Variants in RANBP3 observed in about 807,000 individuals in gnomAD.
RANBP3 encodes ran-binding protein 3.
RANBP3 carries 14 observed loss-of-function variants against 77.3 expected under a neutral mutation model. The observed-to-expected ratio is 0.18, with a 90% CI of 0.12 to 0.28. The LOEUF is 0.28. RANBP3 is among the 10% of genes least tolerant of loss of function. The pLI, the probability that RANBP3 is intolerant of heterozygous loss-of-function variation, is 1.00. For missense variants in RANBP3, 586 were observed against 752.3 expected (o/e 0.78, Z 2.59); for synonymous variants, 315 against 312.4 (o/e 1.01, Z -0.09).
chr19:5,941,328 C>G (rs1356916399), intron 5 of RANBP3, among the ~76,000 whole-genome samples: 1 of 151,924 alleles, frequency 6.6e-6, no homozygotes, highest in Non-Finnish European at 1.5e-5. Flanking sequence ...GAGGCCCCAA[C>G]AGGGCTCTCA....
intron 1 of RANBP3, among the ~76,000 whole-genome samples, chr19:5,971,721 A>G (rs1476435573): frequency 6.6e-6 from 1 of 152,230 alleles, no homozygotes; most frequent in Non-Finnish European, 1.5e-5. Context: ...ACTAAATCCT[A>G]AATTACAGAC....
Position 5,921,115 on chromosome 19 carries a change from T to C in RANBP3, c.1330+86A>G. 7 of 1,475,708 alleles carry C rather than the reference T, an allele frequency of 4.7e-6. No individual in the cohort carries two copies. The highest frequency in any genetic ancestry group is 6.4e-6 in the Non-Finnish European group (7 of 1,097,950). The allele number at this position is 1,475,708 out of a possible 1,614,324, so 91.4% of individuals were successfully genotyped here. A position where few individuals can be genotyped will look rare whatever the true frequency, so the allele number is the denominator to read the frequency against. On this transcript the variant is annotated intron_variant, in intron 14 of 16. Transcript: ENST00000340578. The surrounding 1 kb of genome is among the most constrained non-coding windows in gnomAD (Gnocchi z 5.3). Reference sequence around the variant, plus strand: ...CTCTCACAAGGGTAGGGTCAGGATCTCCCCCGCTTCATTCCCTTTGGAATT... The same window carrying C: ...CTCTCACAAGGGTAGGGTCAGGATCCCCCCCGCTTCATTCCCTTTGGAATT...
At position 5,923,246 on chromosome 19, in the gene RANBP3, A is replaced by C. The variant is rs760643730; in HGVS notation, c.1157T>G (p.Leu386Trp). 1 of 1,614,174 alleles carries C rather than the reference A, an allele frequency of 6.2e-7. No homozygotes were observed. The highest frequency in any genetic ancestry group is 1.1e-5 in the South Asian group (1 of 91,088). Residue 386 changes from leucine (L) to tryptophan (W), a missense_variant, in exon 13 of 17, where the codon TTG becomes TGG. Coordinates refer to ENST00000340578, the MANE Select transcript of RANBP3 (RefSeq NM_007322.3). Reference sequence around the variant, plus strand: ...CCCGGTGATGACTTCCACTTTTTCCAACAAACACTTCCGCGCTGTTGCCTT... The same window carrying C: ...CCCGGTGATGACTTCCACTTTTTCCCACAAACACTTCCGCGCTGTTGCCTT... ...YTKATARKCL[L>W]EKVEVITGEE...
At chr19:5,943,483 T>A (rs1299244511) in intron 3 of RANBP3, among the ~76,000 whole-genome samples, 2 of 152,204 alleles carry the variant, frequency 1.3e-5, no homozygotes, top group African/African-American at 4.8e-5. Context: ...TTATAATCCT[T>A]TAAAAATGTA....
Position 5,952,091 on chromosome 19 carries a change from G to GCC in RANBP3, c.79-497_79-496dup, listed in dbSNP as rs921838824. The stretch of plus-strand genomic sequence containing the variant: ...CCAGGGTCAAGGGCTTCTGCCTCTC[G>GCC]CCGGGGTCAAGGGCTTCTGCCTCTC... On this transcript the variant is annotated intron_variant, in intron 2 of 16. Transcript: ENST00000340578. This position sits in a 1 kb window ranked among gnomAD's most constrained non-coding sequence, Gnocchi z 4.1. Among the ~76,000 whole-genome samples the GCC allele has an allele frequency of 2.0e-5, 3 of 151,636 alleles. No homozygotes were observed. The highest frequency in any genetic ancestry group is 7.3e-5 in the African/African-American group (3 of 40,970).
In RANBP3 at chr19:5,927,992, C is replaced by G. The variant is rs565829306; in HGVS notation, c.789G>C (p.Gly263=). Residue 263 remains glycine, a synonymous_variant, in exon 9 of 17, where the codon GGG becomes GGC. Coordinates refer to ENST00000340578, the MANE Select transcript of RANBP3 (RefSeq NM_007322.3). ...DPATQQAFVF[G]QNLRDRVKLI... Reference sequence around the variant, plus strand: ...CCTTAACTCTGTCCCTCAAGTTCTGCCCAAATACAAAGGCTTGCTGTGTGG... The same window carrying G: ...CCTTAACTCTGTCCCTCAAGTTCTGGCCAAATACAAAGGCTTGCTGTGTGG... 2.5e-6 allele frequency: 4 copies of G among 1,613,524 alleles called. No homozygotes were observed. In the Admixed American group the frequency reaches 5.0e-5, roughly 20 times the overall value.
At chr19:5,975,760 A>C (rs1361968099) in intron 1 of RANBP3, among the ~76,000 whole-genome samples, 1 of 151,066 alleles carries the variant, frequency 6.6e-6, no homozygotes, top group Non-Finnish European at 1.5e-5. Flanking sequence ...CTCATTAATA[A>C]AGTAACATAT....
chr19:5,918,625 C>A lies in RANBP3; in HGVS notation c.1344G>T (p.Gln448His). The change falls in exon 15 of 17, where the codon CAG (glutamine) becomes CAT (histidine). Residue 448 changes from glutamine (Q) to histidine (H), a missense_variant. This residue lies in a region of RANBP3 where 51 missense variants were observed against 123.2 expected (regional missense o/e 0.41). Coordinates refer to ENST00000340578, the MANE Select transcript of RANBP3 (RefSeq NM_007322.3). ...TLQSRLVMRT[Q>H]GSLRLILNTK... ...TGTTGAGGATCAGTCGCAGGCTCCC[C>A]TGGGTCCGCATCACTACAACCAACA... The A allele has an allele frequency of 6.2e-7, 1 of 1,613,816 alleles. No individual in the cohort carries two copies. The highest frequency in any genetic ancestry group is 8.5e-7 in the Non-Finnish European group (1 of 1,179,898).
chr19:5,954,221 C>T (rs768608812), intron 2 of RANBP3, among the ~76,000 whole-genome samples: 2 of 152,116 alleles, frequency 1.3e-5, no homozygotes, highest in Admixed American at 6.5e-5. Context: ...TGCACCCCAT[C>T]GGGTGTGGTC....
intron 1 of RANBP3, among the ~76,000 whole-genome samples, chr19:5,977,732 G>A (rs1366017957): frequency 1.3e-5 from 2 of 152,216 alleles, no homozygotes; most frequent in East Asian, 1.9e-4. Flanking sequence ...TACATCCGTG[G>A]CCGAAGCACT....
At chr19:5,934,704 C>G (rs1015923001) in intron 5 of RANBP3, among the ~76,000 whole-genome samples, 4 of 152,112 alleles carry the variant, frequency 2.6e-5, no homozygotes, top group Non-Finnish European at 5.9e-5. Flanking sequence ...CATGGTGGTA[C>G]ATGCCTGTAG....
In RANBP3 at chr19:5,959,563, G is replaced by A. The variant is rs1421337446; in HGVS notation, c.23-1590C>T. 6.6e-6 allele frequency among the ~76,000 whole-genome samples: 1 copy of A among 152,158 alleles called. No homozygotes were observed. The highest frequency in any genetic ancestry group is 1.5e-5 in the Non-Finnish European group (1 of 68,030). On this transcript the variant is annotated intron_variant, in intron 1 of 16. Coordinates refer to ENST00000340578, the MANE Select transcript of RANBP3 (RefSeq NM_007322.3). The surrounding 1 kb of genome is among the most constrained non-coding windows in gnomAD (Gnocchi z 5.1). ...ACCCAGGGGCTACAAGGGAGCAGGG[G>A]AGGTCAGAGGGGTCTCCAACCAGAC...
intron 1 of RANBP3, among the ~76,000 whole-genome samples, chr19:5,972,290 C>T (rs1023622677): frequency 6.6e-6 from 1 of 152,214 alleles, no homozygotes; most frequent in Non-Finnish European, 1.5e-5. Flanking sequence ...GAAGCCCATC[C>T]AGGGCTGAGA....
At chr19:5,967,777 T>C (rs370911449) in intron 1 of RANBP3, among the ~76,000 whole-genome samples, 8 of 152,260 alleles carry the variant, frequency 5.3e-5, no homozygotes, top group East Asian at 1.9e-4. Context: ...TCCCAGCACG[T>C]TGGGAGGCCG....
At chr19:5,964,525 C>A (rs932797773) in intron 1 of RANBP3, among the ~76,000 whole-genome samples, 1 of 152,124 alleles carries the variant, frequency 6.6e-6, no homozygotes, top group African/African-American at 2.4e-5. Flanking sequence ...GTCTAGAGCA[C>A]CCATCACACC....
In RANBP3 at chr19:5,916,943, G is replaced by A. The variant is rs993519525; in HGVS notation, c.*667C>T. On this transcript the variant is annotated 3_prime_UTR_variant, in exon 17 of 17. Transcript: ENST00000340578. ...ACCACAGGTGGGGGACAGGGACCTC[G>A]ACAGAGCTGTGCCTGCTCAACGCTC... The A allele has an allele frequency of 9.8e-5, 15 of 152,528 alleles. No individual in the cohort carries two copies. The highest frequency in any genetic ancestry group is 3.4e-4 in the African/African-American group (14 of 41,448). 9.4% of individuals were successfully genotyped at this position (152,528 alleles called of 1,614,324 possible). A position where few individuals can be genotyped will look rare whatever the true frequency, so the allele number is the denominator to read the frequency against.
chr19:5,942,005 A>T (rs1004436801), intron 3 of RANBP3, among the ~76,000 whole-genome samples, 170 bp from the exon 4 acceptor site: 2 of 152,152 alleles, frequency 1.3e-5, no homozygotes, highest in Admixed American at 1.3e-4. Context: ...CATCCCCCCG[A>T]TGAACCTCTG....
chr19:5,925,723 G>C lies in RANBP3; in HGVS notation c.828C>G (p.Ser276Arg). The change falls in exon 10 of 17, where the codon AGC (serine) becomes AGG (arginine). Residue 276 changes from serine (S) to arginine (R), a missense_variant. By Grantham distance (110) the Ser-to-Arg change is moderately radical. Coordinates refer to ENST00000340578, the MANE Select transcript of RANBP3 (RefSeq NM_007322.3). ...LRDRVKLINESVDEADMENAG... is the reference protein window; with the variant it reads ...LRDRVKLINERVDEADMENAG... ...CATTCTCCATGTCGGCTTCGTCCAC[G>C]CTCTCATTTATCAGCTGGGAATGAG... is the stretch of plus-strand genomic sequence containing the variant. 6.2e-7 allele frequency: 1 copy of C among 1,613,760 alleles called. No individual in the cohort carries two copies. Among genetic ancestry groups the C allele is most frequent in the Non-Finnish European group, 8.5e-7 (1 of 1,179,912 alleles).
intron 7 of RANBP3, 92 bp from the exon 8 acceptor site, chr19:5,931,623 T>A: frequency 7.2e-7 from 1 of 1,396,312 alleles, no homozygotes; most frequent in Non-Finnish European, 9.6e-7. Context: ...ACGTCTAGTC[T>A]AGGGCCCCTC....
Sources: allele counts gnomAD v4.1 joint callset (sites outside exome capture counted in the v4.1 genomes callset), GRCh38; gene constraint gnomAD v4.1.1; regional missense constraint gnomAD v4.1.1; non-coding constraint Gnocchi (gnomAD v3.1); transcripts MANE v1.5; gene names NCBI Gene and HGNC (gene_info 2026-07-23, HGNC 2026-07-21).